The following ESCO1 variants were observed in gnomAD, a reference collection of about 807,000 sequenced individuals.
ESCO1 encodes N-acetyltransferase ESCO1.
Under a neutral mutation model 83.5 loss-of-function variants are expected in ESCO1, and 33 were observed. The ratio of observed to expected loss-of-function variants is 0.40; its 90% CI spans 0.30 to 0.53. The LOEUF is 0.53. Among genes scored for constraint, ESCO1 ranks in the 20% least tolerant of loss-of-function variants. The pLI is 0.63. For missense variants in ESCO1, 855 were observed against 968.0 expected (o/e 0.88, Z 1.55); for synonymous variants, 332 against 324.3 (o/e 1.02, Z -0.25).
intron 10 of ESCO1, among the ~76,000 whole-genome samples, chr18:21,535,276 G>A (rs1232026888): frequency 1.3e-5 from 2 of 150,986 alleles, no homozygotes; most frequent in South Asian, 2.1e-4. Flanking sequence ...GTGCAATGGC[G>A]TGACCTTGGC....
At chr18:21,569,983 G>A (rs2038317707) in intron 4 of ESCO1, among the ~76,000 whole-genome samples, 2 of 152,156 alleles carry the variant, frequency 1.3e-5, no homozygotes, top group African/African-American at 4.8e-5. Context: ...AATACAGCAG[G>A]CACTCAAATA....
Position 21,574,403 on chromosome 18 carries a change from T to C in ESCO1, c.441A>G (p.Ala147=). 6.2e-7 allele frequency: 1 copy of C among 1,614,164 alleles called. No homozygotes were observed. ...TAGTTGGTGGCAAACTCTGTTTAACTGCTTGAACTTGACCCTGAATTTCTC... is the reference window on the plus strand; with the variant it reads ...TAGTTGGTGGCAAACTCTGTTTAACCGCTTGAACTTGACCCTGAATTTCTC... The part of the protein sequence containing the change: ...RSREIQGQVQ[A]VKQSLPPTKK... The change falls in exon 4 of 12, where the codon GCA becomes GCG. Residue 147 remains alanine (A), a synonymous_variant. Coordinates refer to ENST00000269214, the MANE Select transcript of ESCO1 (RefSeq NM_052911.3).
chr18:21,538,452 G>A (rs1478309582), intron 9 of ESCO1, among the ~76,000 whole-genome samples: 1 of 152,104 alleles, frequency 6.6e-6, no homozygotes, highest in Non-Finnish European at 1.5e-5. Context: ...TCAAATACAA[G>A]ACAGGTTGGG....
chr18:21,592,260 C>A (rs2146234361), intron 1 of ESCO1, among the ~76,000 whole-genome samples: 1 of 151,188 alleles, frequency 6.6e-6, no homozygotes, highest in South Asian at 2.1e-4. Context: ...GGCAGAGGCG[C>A]CCCTCACCTC....
chr18:21,574,933 T>C lies in ESCO1; in HGVS notation c.-90A>G. On this transcript the variant is annotated 5_prime_UTR_variant, in exon 4 of 12. Coordinates refer to ENST00000269214, the MANE Select transcript of ESCO1 (RefSeq NM_052911.3). Reference sequence around the variant, plus strand: ...AATGCTGACTAGCTAGTATTATTACTGAGGAGCAGGTCTGAAAAATCAACT... The same window carrying C: ...AATGCTGACTAGCTAGTATTATTACCGAGGAGCAGGTCTGAAAAATCAACT... 2 of 991,948 alleles carry C rather than the reference T, an allele frequency of 2.0e-6. No homozygotes were observed. The highest frequency in any genetic ancestry group is 2.9e-6 in the Non-Finnish European group (2 of 697,060). The allele number at this position is 991,948 out of a possible 1,614,324, so 61.4% of individuals were successfully genotyped here. A position where few individuals can be genotyped will look rare whatever the true frequency, so the allele number is the denominator to read the frequency against.
rs765904584 is a variant in ESCO1 at position 21,579,794 on chromosome 18, G to GCACACACACACA, written c.-693-4029_-693-4018dup. Among the ~76,000 whole-genome samples the GCACACACACACA allele has an allele frequency of 1.1e-4, 4 of 37,166 alleles. No homozygotes were observed. The East Asian group carries it at 2.3e-3, about 21-fold the overall frequency. The allele number at this position is 37,166 out of a possible 152,430, so 24.4% of individuals were successfully genotyped here. A position where few individuals can be genotyped will look rare whatever the true frequency, so the allele number is the denominator to read the frequency against. On this transcript the variant is annotated intron_variant, in intron 2 of 11. Transcript: ENST00000269214. Reference sequence around the variant, plus strand: ...CTGACACACACACACACGCGCGCGCGCACACACACACACACACACACACAC... The same window carrying GCACACACACACA: ...CTGACACACACACACACGCGCGCGCGCACACACACACACACACACACACACACACACACACAC...
intron 2 of ESCO1, among the ~76,000 whole-genome samples, chr18:21,579,808 ACAC>A (rs1268747856): frequency 1.3e-4 from 14 of 107,652 alleles, no homozygotes; most frequent in African/African-American, 4.5e-4. Context: ...ACACACACAC[ACAC>A]ACACACACAC....
At chr18:21,578,654 A>C (rs574344079) in intron 2 of ESCO1, among the ~76,000 whole-genome samples, 2 of 152,226 alleles carry the variant, frequency 1.3e-5, no homozygotes, top group African/African-American at 4.8e-5. Context: ...CAAGAGTTCC[A>C]GACCAGACTG....
Position 21,559,936 on chromosome 18 carries a change from A to G in ESCO1, c.1953+923T>C, listed in dbSNP as rs935221456. Among the ~76,000 whole-genome samples, 4 of 152,274 alleles carry G rather than the reference A, an allele frequency of 2.6e-5. No homozygotes were observed. The East Asian group carries it at 7.7e-4, about 29-fold the overall frequency. ...AGTAGCTGGATGAATGAAACAATGA[A>G]TACAAACCCTTCAACCGAAGGTAAG... On this transcript the variant is annotated intron_variant, in intron 8 of 11. Transcript: ENST00000269214.
chr18:21,579,452 A>T (rs2038463061), intron 2 of ESCO1, among the ~76,000 whole-genome samples: 1 of 151,038 alleles, frequency 6.6e-6, no homozygotes, highest in Non-Finnish European at 1.5e-5. Flanking sequence ...ACAAAGCAAG[A>T]CCCCATCTCT....
chr18:21,558,593 G>A (rs1006040822), intron 8 of ESCO1, among the ~76,000 whole-genome samples: 1 of 151,884 alleles, frequency 6.6e-6, no homozygotes, highest in East Asian at 1.9e-4. Context: ...GCTGGGAGTG[G>A]TGGCATGCAC....
intron 2 of ESCO1, among the ~76,000 whole-genome samples, chr18:21,577,077 G>A (rs908535407): frequency 1.3e-5 from 2 of 151,582 alleles, no homozygotes; most frequent in Non-Finnish European, 2.9e-5. Context: ...AGATAGGGCC[G>A]GGCACAATGG....
chr18:21,593,898 G>A (rs1199719864), intron 1 of ESCO1, among the ~76,000 whole-genome samples: 1 of 151,778 alleles, frequency 6.6e-6, no homozygotes, highest in East Asian at 1.9e-4. Context: ...TAGATCAAGT[G>A]TGGGTTTGTG....
intron 8 of ESCO1, among the ~76,000 whole-genome samples, chr18:21,557,836 C>T (rs1568099696): frequency 6.6e-6 from 1 of 152,144 alleles, no homozygotes; most frequent in Non-Finnish European, 1.5e-5. Context: ...AGAACTCGTG[C>T]TTTCTCTTCA....
intron 2 of ESCO1, among the ~76,000 whole-genome samples, chr18:21,578,482 A>G (rs1700171249): frequency 6.6e-6 from 1 of 152,096 alleles, no homozygotes; most frequent in Admixed American, 6.6e-5. Context: ...TTCAGAGAAT[A>G]GAAAAAAAGC....
At chr18:21,572,596 A>C (rs1375362217) in intron 4 of ESCO1, among the ~76,000 whole-genome samples, 1 of 152,154 alleles carries the variant, frequency 6.6e-6, no homozygotes, top group Admixed American at 6.6e-5. Flanking sequence ...AAAATGTTTA[A>C]CTTTTAAATT....
chr18:21,592,357 G>A lies in ESCO1; in HGVS notation c.-824-7917C>T, dbSNP rs1287871491. On this transcript the variant is annotated intron_variant, in intron 1 of 11. Transcript: ENST00000269214. Reference sequence around the variant, plus strand: ...GAGGCGCCCCTCACCTCCCGGACGAGGCGGCTGGCCGGGCGGGGGACTGAC... The same window carrying A: ...GAGGCGCCCCTCACCTCCCGGACGAAGCGGCTGGCCGGGCGGGGGACTGAC... 2.5e-4 allele frequency among the ~76,000 whole-genome samples: 32 copies of A among 128,510 alleles called. 2 individuals are homozygous for A. The highest frequency in any genetic ancestry group is 9.5e-4 in the African/African-American group (32 of 33,554). The allele number at this position is 128,510 out of a possible 152,430, so 84.3% of individuals were successfully genotyped here.
intron 1 of ESCO1, among the ~76,000 whole-genome samples, chr18:21,585,260 T>G (rs1052952033): frequency 1.3e-5 from 2 of 152,116 alleles, no homozygotes; most frequent in Admixed American, 1.3e-4. Flanking sequence ...GAGAGAATTA[T>G]ACTTTCCTTC....
chr18:21,565,954 T>G (rs1208133691), intron 6 of ESCO1, among the ~76,000 whole-genome samples, 192 bp downstream of exon 6: 4 of 151,520 alleles, frequency 2.6e-5, no homozygotes, highest in Non-Finnish European at 4.4e-5. Context: ...AATAAAGAAA[T>G]AAAGAATGAG....
Sources: allele counts gnomAD v4.1 joint callset (sites outside exome capture counted in the v4.1 genomes callset), GRCh38; gene constraint gnomAD v4.1.1; transcripts MANE v1.5; gene names NCBI Gene and HGNC (gene_info 2026-07-23, HGNC 2026-07-21).